Variants in LRRC36 observed in about 807,000 individuals in gnomAD.
LRRC36 encodes leucine rich repeat containing 36.
A neutral mutation model predicts 81.1 loss-of-function variants in LRRC36; 62 were observed. That is an observed-to-expected ratio of 0.76 (90% CI 0.62 to 0.94). The LOEUF (loss-of-function observed/expected upper bound fraction) is 0.94. Ranked by LOEUF, LRRC36 falls within the 40% of genes least tolerant of loss-of-function variation. The probability of loss-of-function intolerance (pLI) is 0.00; values close to 1 mark genes in which losing one functional copy is unlikely to be tolerated. For synonymous variants in LRRC36, 334 were observed against 348.6 expected (o/e 0.96, Z 0.47); for missense variants, 761 against 881.7 (o/e 0.86, Z 1.73).
intron 1 of LRRC36, among the ~76,000 whole-genome samples, chr16:67,341,310 A>ACTGT (rs1278293349): frequency 6.9e-6 from 1 of 145,976 alleles, no homozygotes; most frequent in Non-Finnish European, 1.5e-5. Flanking sequence ...TAGACTATAG[A>ACTGT]CTATAGACTA....
At chr16:67,343,478 C>T (rs1244939424) in intron 2 of LRRC36, among the ~76,000 whole-genome samples, 3 of 151,788 alleles carry the variant, frequency 2.0e-5, no homozygotes, top group African/African-American at 4.8e-5. Flanking sequence ...GGGTGGATCC[C>T]GAAGTCAGGA....
At chr16:67,331,138 G>C (rs1166817419) in intron 1 of LRRC36, among the ~76,000 whole-genome samples, 1 of 147,978 alleles carries the variant, frequency 6.8e-6, no homozygotes, top group Non-Finnish European at 1.5e-5. Flanking sequence ...TCCTTTATTA[G>C]GATAGCTAAC....
chr16:67,371,280 G>A, intron 9 of LRRC36, 38 bp downstream of exon 9: 1 of 1,612,346 alleles, frequency 6.2e-7, no homozygotes, highest in Non-Finnish European at 8.5e-7. Flanking sequence ...CGAGAAACAG[G>A]TCAGGTTCGA....
chr16:67,347,843 GGTTATAGATA>G (rs2142024308), intron 4 of LRRC36, among the ~76,000 whole-genome samples: 2 of 152,254 alleles, frequency 1.3e-5, no homozygotes, highest in South Asian at 4.1e-4. Context: ...GTTGTTCACA[GGTTATAGATA>G]GGGATACTAT....
Position 67,378,693 on chromosome 16 carries a change from G to T in LRRC36, c.1911G>T (p.Gly637=), listed in dbSNP as rs2040003513. 3 of 1,613,980 alleles carry T rather than the reference G, an allele frequency of 1.9e-6. No individual in the cohort carries two copies. Among genetic ancestry groups the T allele is most frequent in the African/African-American group, 2.7e-5 (2 of 75,026 alleles). ...EEGAAISIVS[G]QQSHTYDDLL... ...GTGCTGCCATCTCAATTGTGAGTGG[G>T]CAACAGTCACATACTTATGGTAAGT... Residue 637 remains glycine, a synonymous_variant, in exon 12 of 14, where the codon GGG becomes GGT. Transcript: ENST00000329956.
At chr16:67,334,213 A>G (rs1377406847) in intron 1 of LRRC36, among the ~76,000 whole-genome samples, 2 of 151,204 alleles carry the variant, frequency 1.3e-5, no homozygotes, top group Non-Finnish European at 2.9e-5. Context: ...TCATATTTTT[A>G]GTAGAGACCG....
intron 9 of LRRC36, among the ~76,000 whole-genome samples, chr16:67,374,971 A>T (rs1047479363): frequency 6.6e-6 from 1 of 151,798 alleles, no homozygotes; most frequent in African/African-American, 2.4e-5. Context: ...CTCTACTAAA[A>T]ATACAAAACT....
At chr16:67,377,314 G>C (rs1224838290) in intron 11 of LRRC36, among the ~76,000 whole-genome samples, 1 of 151,982 alleles carries the variant, frequency 6.6e-6, no homozygotes, top group Admixed American at 6.6e-5. Context: ...CCCATGCTTT[G>C]TTCCCTTTTC....
intron 1 of LRRC36, among the ~76,000 whole-genome samples, chr16:67,339,667 T>C (rs535093063): frequency 6.6e-6 from 1 of 152,174 alleles, no homozygotes; most frequent in East Asian, 1.9e-4. Context: ...GTTCACAGAG[T>C]AGTGTAAAAC....
intron 8 of LRRC36, among the ~76,000 whole-genome samples, chr16:67,368,110 T>G (rs1158460623): frequency 2.0e-5 from 3 of 152,184 alleles, no homozygotes; most frequent in African/African-American, 7.2e-5. Flanking sequence ...ACTCTTCTGT[T>G]ACTTATTTAT....
rs749383138 is a variant in LRRC36, at chr16:67,385,112, C to T, written c.*23C>T. 6 of 1,582,578 alleles carry T rather than the reference C, an allele frequency of 3.8e-6. No homozygotes were observed. In the South Asian group the frequency reaches 6.6e-5, roughly 18 times the overall value. On this transcript the variant is annotated 3_prime_UTR_variant, in exon 14 of 14. Coordinates refer to ENST00000329956, the MANE Select transcript of LRRC36 (RefSeq NM_018296.6). ...TAGAGCTAGCATGGAACTCACACCA[C>T]AGCTTCCCTGGTCCACAGAGGCTCT...
At chr16:67,340,383 C>T (rs1053954745) in intron 1 of LRRC36, among the ~76,000 whole-genome samples, 1 of 151,894 alleles carries the variant, frequency 6.6e-6, no homozygotes, top group Non-Finnish European at 1.5e-5. Context: ...GATGCCCAGG[C>T]TCAGTGGCTC....
chr16:67,347,644 A>C (rs2038418495), intron 4 of LRRC36, 53 bp downstream of exon 4: 2 of 1,248,362 alleles, frequency 1.6e-6, no homozygotes, highest in Non-Finnish European at 2.3e-6. Context: ...CATAGGAAAT[A>C]GTGAATTCCT....
intron 5 of LRRC36, among the ~76,000 whole-genome samples, chr16:67,351,396 TA>T (rs2038625132): frequency 6.6e-6 from 1 of 152,116 alleles, no homozygotes; most frequent in Non-Finnish European, 1.5e-5. Flanking sequence ...AAATGATTTT[TA>T]GAGTATTTTG....
intron 1 of LRRC36, chr16:67,327,157 A>G (rs1281269879): frequency 4.4e-6 from 2 of 458,738 alleles, no homozygotes; most frequent in East Asian, 3.6e-5. Context: ...CGAGGAATTG[A>G]GAGAGAAGAG....
chr16:67,352,922 A>G (rs1402965519), intron 5 of LRRC36, among the ~76,000 whole-genome samples: 1 of 152,004 alleles, frequency 6.6e-6, no homozygotes, highest in Non-Finnish European at 1.5e-5. Context: ...CCTGAGCTCA[A>G]GCAATTTTCC....
intron 1 of LRRC36, among the ~76,000 whole-genome samples, chr16:67,335,669 T>C (rs576898077): frequency 7.2e-5 from 11 of 152,120 alleles, no homozygotes; most frequent in African/African-American, 2.4e-4. Flanking sequence ...TATGTTCTTC[T>C]GCCATGGCTT....
At chr16:67,331,060 TGAGAGAGAAAGAGAGAGAGAGA>T (rs2037459190) in intron 1 of LRRC36, among the ~76,000 whole-genome samples, 1 of 108,090 alleles carries the variant, frequency 9.3e-6, no homozygotes, top group Non-Finnish European at 1.7e-5. Flanking sequence ...GTGTGAGATG[TGAGAGAGAAAGAGAGAGAGAGA>T]GAGAGAGAGA....
At chr16:67,342,580 A>G (rs1313993268) in intron 2 of LRRC36, among the ~76,000 whole-genome samples, 1 of 152,208 alleles carries the variant, frequency 6.6e-6, no homozygotes, top group Non-Finnish European at 1.5e-5. Flanking sequence ...TCAGGGGATG[A>G]TGGAGCAGAG....
Sources: allele counts gnomAD v4.1 joint callset (sites outside exome capture counted in the v4.1 genomes callset), GRCh38; gene constraint gnomAD v4.1.1; transcripts MANE v1.5; gene names NCBI Gene and HGNC (gene_info 2026-07-23, HGNC 2026-07-21).